SLC16A2: variants seen among roughly 807,000 people sequenced by gnomAD.
SLC16A2 encodes solute carrier family 16 member 2, also known as monocarboxylate transporter 8.
Under a neutral mutation model 27.2 loss-of-function variants are expected in SLC16A2, and 3 were observed. The ratio of observed to expected loss-of-function variants is 0.11; its 90% CI spans 0.05 to 0.28. SLC16A2 has a LOEUF of 0.28. Among genes scored for constraint, SLC16A2 ranks in the 10% least tolerant of loss-of-function variants. The probability of loss-of-function intolerance (pLI) is 1.00; values close to 1 mark genes in which losing one functional copy is unlikely to be tolerated. For synonymous variants in SLC16A2, 202 were observed against 187.8 expected, an observed-to-expected ratio of 1.08 and a Z score of -0.62; for missense variants, 295 against 458.5, an observed-to-expected ratio of 0.64 and a Z score of 3.26.
At chrX:74,491,672 G>A (rs1033082497) in intron 1 of SLC16A2, among the ~76,000 whole-genome samples, 5 of 112,138 alleles carry the variant, frequency 4.5e-5, no homozygotes, top group African/African-American at 1.6e-4. Context: ...GCGAGCCTTA[G>A]AATTTTATTT....
chrX:74,498,986 C>A (rs1350612067), intron 1 of SLC16A2, among the ~76,000 whole-genome samples: 1 of 111,943 alleles, frequency 8.9e-6, no homozygotes, highest in Non-Finnish European at 1.9e-5. Flanking sequence ...CACCTCCCTT[C>A]TCTCTCCTAG....
At chrX:74,477,137 A>C (rs765384083) in intron 1 of SLC16A2, 6 of 111,893 alleles carry the variant, frequency 5.4e-5, no homozygotes, top group Non-Finnish European at 9.4e-5. Context: ...TAAGCTATTA[A>C]TTATTGCCTC....
chrX:74,519,746 AG>A (rs1569298942), intron 1 of SLC16A2, among the ~76,000 whole-genome samples: 22 of 74,984 alleles, frequency 2.9e-4, no homozygotes, highest in Non-Finnish European at 6.4e-4. Flanking sequence ...AAAAAACGAA[AG>A]AAAGAAAAAG....
At chrX:74,461,704 A>G (rs777475868) in intron 1 of SLC16A2, among the ~76,000 whole-genome samples, 20 of 111,914 alleles carry the variant, frequency 1.8e-4, no homozygotes, top group Non-Finnish European at 3.0e-4. Context: ...CAGCAGATAC[A>G]GATGTAAGGA....
Position 74,520,893 on chromosome X carries a change from C to T in SLC16A2, c.431-97C>T, listed in dbSNP as rs771213358. 5.2e-6 allele frequency: 5 copies of T among 970,093 alleles called. No homozygotes were observed. The African/African-American group carries it at 9.5e-5, about 18-fold the overall frequency. 79.9% of individuals were successfully genotyped at this position (970,093 alleles called of 1,213,427 possible). A position where few individuals can be genotyped will look rare whatever the true frequency, so the allele number is the denominator to read the frequency against. Reference sequence around the variant, plus strand: ...GCTGGCAATGCAGACCAATGCAATGCCCCCTGTGAAAGGCCAGAGAAGAAG... The same window carrying T: ...GCTGGCAATGCAGACCAATGCAATGTCCCCTGTGAAAGGCCAGAGAAGAAG... On this transcript the variant is annotated intron_variant, in intron 1 of 5. Transcript: ENST00000587091.
At chrX:74,501,694 C>A (rs1455694974) in intron 1 of SLC16A2, among the ~76,000 whole-genome samples, 1 of 111,440 alleles carries the variant, frequency 9.0e-6, no homozygotes, top group Non-Finnish European at 1.9e-5. Flanking sequence ...GTATTCCATG[C>A]CTCAGGCCTA....
At chrX:74,444,591 T>A (rs1205222532) in intron 1 of SLC16A2, among the ~76,000 whole-genome samples, 1 of 112,377 alleles carries the variant, frequency 8.9e-6, no homozygotes, top group Non-Finnish European at 1.9e-5. Flanking sequence ...CTCAGTTCCC[T>A]CATTTGTAAA....
rs145466263 is a variant in SLC16A2, at chrX:74,468,009, C to G, written c.430+45942C>G. Among the ~76,000 whole-genome samples, 94 of 111,834 alleles carry G rather than the reference C, an allele frequency of 8.4e-4. No homozygotes were observed. The East Asian group carries it at 0.023, about 27-fold the overall frequency. On this transcript the variant is annotated intron_variant, in intron 1 of 5. Coordinates refer to ENST00000587091, the MANE Select transcript of SLC16A2 (RefSeq NM_006517.5). ...ATGCTGTTCCATCAGCTTGAGATAC[C>G]TTTCTCTACTTTTTGATTATTAGAT...
intron 1 of SLC16A2, among the ~76,000 whole-genome samples, chrX:74,497,193 C>T (rs931678365): frequency 3.6e-5 from 4 of 111,648 alleles, no homozygotes; most frequent in African/African-American, 9.8e-5. Flanking sequence ...GGCACAGGTC[C>T]GGGGTGAAGC....
intron 1 of SLC16A2, among the ~76,000 whole-genome samples, chrX:74,461,781 G>T (rs1328131845): frequency 9.0e-6 from 1 of 111,693 alleles, no homozygotes; most frequent in African/African-American, 3.3e-5. Flanking sequence ...AGGCATTCCA[G>T]CTCTTAGCTT....
At chrX:74,477,396 G>A (rs777343327) in intron 1 of SLC16A2, among the ~76,000 whole-genome samples, 24 of 110,708 alleles carry the variant, frequency 2.2e-4, no homozygotes, top group African/African-American at 6.9e-4. Context: ...TCTAGCTAGC[G>A]GTCTATCCAT....
In SLC16A2 at chrX:74,519,955, G is replaced by A. The variant is rs994361627; in HGVS notation, c.431-1035G>A. ...TCCCAGGCTAGTACTTTTGAAGCCA[G>A]GCAGAGAGGGCTCAGGGTAAGGCTC... On this transcript the variant is annotated intron_variant, in intron 1 of 5. Coordinates refer to ENST00000587091, the MANE Select transcript of SLC16A2 (RefSeq NM_006517.5). Among the ~76,000 whole-genome samples the A allele has an allele frequency of 8.1e-5, 9 of 111,068 alleles. No homozygotes were observed. The East Asian group carries it at 1.4e-3, about 18-fold the overall frequency.
chrX:74,465,970 A>G (rs190186664), intron 1 of SLC16A2, among the ~76,000 whole-genome samples: 77 of 111,155 alleles, frequency 6.9e-4, no homozygotes, highest in Non-Finnish European at 1.7e-4. Flanking sequence ...ATCTGGTGGG[A>G]GAGGGCTGGT....
intron 1 of SLC16A2, among the ~76,000 whole-genome samples, chrX:74,518,122 T>C (rs1032818820): frequency 1.7e-4 from 19 of 112,268 alleles, no homozygotes; most frequent in African/African-American, 5.5e-4. Context: ...TAAGTTTTCA[T>C]TCATCTTGAG....
intron 1 of SLC16A2, among the ~76,000 whole-genome samples, chrX:74,459,269 A>G (rs1407464127): frequency 7.7e-4 from 1 of 1,304 alleles, no homozygotes; most frequent in Non-Finnish European, 2.0e-3. Flanking sequence ...ACTGCCTCCT[A>G]TCAAGGCTAG....
intron 2 of SLC16A2, among the ~76,000 whole-genome samples, chrX:74,522,643 A>G (rs1167681052): frequency 9.0e-6 from 1 of 111,685 alleles, no homozygotes; most frequent in African/African-American, 3.3e-5. Flanking sequence ...TATGGATTCC[A>G]TTTCCCTTCC....
intron 1 of SLC16A2, among the ~76,000 whole-genome samples, chrX:74,504,636 A>T (rs896412354): frequency 8.9e-6 from 1 of 112,167 alleles, no homozygotes; most frequent in East Asian, 2.8e-4. Flanking sequence ...CTTTTATAAG[A>T]TCCATTTTCC....
chrX:74,522,645 T>C (rs977714762), intron 2 of SLC16A2, among the ~76,000 whole-genome samples: 63 of 111,809 alleles, frequency 5.6e-4, no homozygotes, highest in African/African-American at 1.9e-3. Flanking sequence ...TGGATTCCAT[T>C]TCCCTTCCAA....
intron 4 of SLC16A2, among the ~76,000 whole-genome samples, chrX:74,527,174 C>T (rs1930497792): frequency 8.9e-6 from 1 of 112,250 alleles, no homozygotes. Context: ...AGGCTTAGGA[C>T]CCAGTGCCTC....
Sources: gnomAD v4.1 joint callset for allele counts (sites outside exome capture counted in the v4.1 genomes callset) on GRCh38, gnomAD v4.1.1 for gene constraint, MANE v1.5 for transcripts, NCBI Gene and HGNC (gene_info 2026-07-23, HGNC 2026-07-21) for gene names.